The following RNF220 variants were observed in gnomAD, a reference collection of about 807,000 sequenced individuals.
RNF220 encodes the protein ring finger protein 220.
RNF220 carries 7 observed loss-of-function variants against 67.1 expected under a neutral mutation model. The observed-to-expected ratio is 0.10, with a 90% CI of 0.06 to 0.20. The LOEUF (loss-of-function observed/expected upper bound fraction) is 0.20. RNF220 is among the 10% of genes least tolerant of loss of function. The pLI, the probability that RNF220 is intolerant of heterozygous loss-of-function variation, is 1.00. For synonymous variants in RNF220, 270 were observed against 283.2 expected, an observed-to-expected ratio of 0.95 and a Z score of 0.47; for missense variants, 565 against 740.3, an observed-to-expected ratio of 0.76 and a Z score of 2.75.
At chr1:44,620,289 A>T (rs1643740223) in intron 3 of RNF220, among the ~76,000 whole-genome samples, 1 of 152,238 alleles carries the variant, frequency 6.6e-6, no homozygotes, top group African/African-American at 2.4e-5. Context: ...TCAATGAGAT[A>T]ACACATGTTA....
chr1:44,462,122 A>T (rs2147963527), intron 2 of RNF220, among the ~76,000 whole-genome samples: 1 of 151,558 alleles, frequency 6.6e-6, no homozygotes, highest in East Asian at 1.9e-4. Context: ...TTTAGTAGAG[A>T]TGTGGTATCA....
intron 8 of RNF220, among the ~76,000 whole-genome samples, chr1:44,637,327 CCAAA>C (rs747482697): frequency 1.3e-5 from 2 of 152,246 alleles, no homozygotes; most frequent in East Asian, 3.8e-4. Context: ...GTTAGTCAGA[CCAAA>C]CAGTCTCCCT....
At chr1:44,439,042 A>G (rs1408246056) in intron 2 of RNF220, among the ~76,000 whole-genome samples, 2 of 152,216 alleles carry the variant, frequency 1.3e-5, no homozygotes, top group East Asian at 1.9e-4. Flanking sequence ...GCTTTTCAAT[A>G]TTAGAAACAA....
chr1:44,644,158 C>T (rs1026523416), intron 8 of RNF220: 14 of 155,838 alleles, frequency 9.0e-5, no homozygotes, highest in African/African-American at 3.4e-4. Flanking sequence ...GCTTCAGACA[C>T]CAAATATTTG....
intron 2 of RNF220, among the ~76,000 whole-genome samples, chr1:44,472,400 A>G (rs1356674534): frequency 6.6e-6 from 1 of 151,628 alleles, no homozygotes; most frequent in Non-Finnish European, 1.5e-5. Context: ...TTTTTTTGTT[A>G]TGTTTTGTTT....
At chr1:44,561,076 C>A (rs751199896) in intron 2 of RNF220, among the ~76,000 whole-genome samples, 1 of 152,168 alleles carries the variant, frequency 6.6e-6, no homozygotes, top group Non-Finnish European at 1.5e-5. Context: ...TGCATCCTGC[C>A]CCAGAGAACT....
intron 2 of RNF220, among the ~76,000 whole-genome samples, chr1:44,457,686 C>T (rs1262141329): frequency 6.6e-6 from 1 of 152,024 alleles, no homozygotes; most frequent in Non-Finnish European, 1.5e-5. Flanking sequence ...AGGGCTGTTC[C>T]ATGTCTGAAA....
intron 2 of RNF220, among the ~76,000 whole-genome samples, chr1:44,580,026 C>A (rs1665119278): frequency 2.5e-5 from 1 of 40,164 alleles, no homozygotes; most frequent in Non-Finnish European, 4.7e-5. Context: ...AAGACCCTGT[C>A]TCACAAAAAA....
intron 1 of RNF220, among the ~76,000 whole-genome samples, chr1:44,410,027 G>A (rs1227171911): frequency 6.6e-6 from 1 of 152,180 alleles, no homozygotes; most frequent in East Asian, 1.9e-4. Context: ...AATAACCAGG[G>A]TTGAGTGATT....
chr1:44,537,771 C>A (rs550550485), intron 2 of RNF220, among the ~76,000 whole-genome samples: 12 of 152,340 alleles, frequency 7.9e-5, no homozygotes, highest in African/African-American at 2.9e-4. Context: ...CTGAATGGTA[C>A]GAAGCCCAGA....
intron 2 of RNF220, among the ~76,000 whole-genome samples, chr1:44,438,379 T>A (rs1178538335): frequency 6.6e-6 from 1 of 152,236 alleles, no homozygotes; most frequent in Non-Finnish European, 1.5e-5. Context: ...TTCCTTGACC[T>A]CCCAAAGTGC....
intron 2 of RNF220, among the ~76,000 whole-genome samples, chr1:44,559,671 T>C (rs941890724): frequency 1.3e-5 from 2 of 152,122 alleles, no homozygotes; most frequent in Non-Finnish European, 2.9e-5. Context: ...GCCACGGCCC[T>C]GACTCCAGGA....
chr1:44,565,768 C>T lies in RNF220; in HGVS notation c.626-48397C>T, dbSNP rs991457102. The stretch of plus-strand genomic sequence containing the variant: ...TCTGTGAACCACTGCCTTCCCTGCC[C>T]CTCCCTGGGTGCCAATGGGACTGGA... On this transcript the variant is annotated intron_variant, in intron 2 of 14. Transcript: ENST00000361799. This position sits in a 1 kb window ranked among gnomAD's most constrained non-coding sequence, Gnocchi z 4.2. Among the ~76,000 whole-genome samples, 8 of 152,134 alleles carry T rather than the reference C, an allele frequency of 5.3e-5. No individual in the cohort carries two copies. The highest frequency in any genetic ancestry group is 4.6e-4 in the Admixed American group (7 of 15,270).
intron 8 of RNF220, 80 bp from the exon 9 acceptor site, chr1:44,644,618 A>AC (rs1644582867): frequency 9.1e-7 from 1 of 1,102,734 alleles, no homozygotes; most frequent in African/African-American, 1.5e-5. Context: ...CCAAAGCCTA[A>AC]CCCCTACCTG....
intron 2 of RNF220, among the ~76,000 whole-genome samples, chr1:44,458,544 C>T (rs1653433788): frequency 6.6e-6 from 1 of 152,096 alleles, no homozygotes; most frequent in African/African-American, 2.4e-5. Context: ...CTGCCTGATA[C>T]ATAGTAAACA....
intron 2 of RNF220, among the ~76,000 whole-genome samples, chr1:44,496,294 A>AT (rs1203498265): frequency 1.3e-5 from 2 of 152,078 alleles, no homozygotes; most frequent in Non-Finnish European, 1.5e-5. Flanking sequence ...TTTTGTGAGG[A>AT]TGGAAATCAG....
chr1:44,601,672 A>G (rs1348770903), intron 2 of RNF220, among the ~76,000 whole-genome samples: 3 of 152,192 alleles, frequency 2.0e-5, no homozygotes, highest in Admixed American at 2.0e-4. Flanking sequence ...GGAGGAAGCA[A>G]GGCCACCTAG....
In RNF220 at chr1:44,405,303, A is replaced by T; in HGVS notation, c.-345A>T. On this transcript the variant is annotated 5_prime_UTR_variant, in exon 1 of 15. Coordinates refer to ENST00000361799, the MANE Select transcript of RNF220 (RefSeq NM_018150.4). The stretch of plus-strand genomic sequence containing the variant: ...GAGAGGCAGCACTGCTCCTTCTCTC[A>T]CGCCAACTGAGTCTCTTGATCTGTA... The T allele has an allele frequency of 2.2e-6, 1 of 454,650 alleles. No homozygotes were observed. The highest frequency in any genetic ancestry group is 4.1e-5 in the Admixed American group (1 of 24,176). The allele number at this position is 454,650 out of a possible 1,614,324, so 28.2% of individuals were successfully genotyped here. A position where few individuals can be genotyped will look rare whatever the true frequency, so the allele number is the denominator to read the frequency against.
At chr1:44,598,636 A>AC in intron 2 of RNF220, among the ~76,000 whole-genome samples, 1 of 149,828 alleles carries the variant, frequency 6.7e-6, no homozygotes, top group Non-Finnish European at 1.5e-5. Flanking sequence ...GCTGCTGGGG[A>AC]CCCTCTAGGA....
Sources: allele counts gnomAD v4.1 joint callset (sites outside exome capture counted in the v4.1 genomes callset), GRCh38; gene constraint gnomAD v4.1.1; non-coding constraint Gnocchi (gnomAD v3.1); transcripts MANE v1.5; gene names NCBI Gene and HGNC (gene_info 2026-07-23, HGNC 2026-07-21).